ST6GAL2: variants seen among roughly 807,000 people sequenced by gnomAD.
ST6GAL2 encodes the protein beta-galactoside alpha-2,6-sialyltransferase 2.
Under a neutral mutation model 37.5 loss-of-function variants are expected in ST6GAL2, and 24 were observed. The observed-to-expected ratio is 0.64, with a 90% confidence interval of 0.46 to 0.90. The LOEUF is 0.90. Ranked by LOEUF, ST6GAL2 falls within the 40% of genes least tolerant of loss-of-function variation. The pLI, the probability that ST6GAL2 is intolerant of heterozygous loss-of-function variation, is 0.00. For missense variants in ST6GAL2, 715 were observed against 712.7 expected (o/e 1.00, Z -0.04); for synonymous variants, 306 against 295.1 (o/e 1.04, Z -0.38).
intron 5 of ST6GAL2, among the ~76,000 whole-genome samples, chr2:106,807,862 G>A (rs1220938539): frequency 6.6e-6 from 1 of 151,988 alleles, no homozygotes; most frequent in East Asian, 1.9e-4. Context: ...CTGACCTCCT[G>A]CTCCCCCCAC....
chr2:106,870,374 T>C (rs1678213846), intron 1 of ST6GAL2, among the ~76,000 whole-genome samples: 2 of 152,214 alleles, frequency 1.3e-5, no homozygotes, highest in South Asian at 2.1e-4. Flanking sequence ...CGGATAGTCA[T>C]GAAATGTAAA....
chr2:106,859,154 CTA>C (rs1218620020), intron 1 of ST6GAL2, among the ~76,000 whole-genome samples: 1 of 152,124 alleles, frequency 6.6e-6, no homozygotes, highest in East Asian at 1.9e-4. Context: ...AATAAAGAAC[CTA>C]TGTTTACAAT....
chr2:106,817,399 C>A (rs1311198485), intron 5 of ST6GAL2, among the ~76,000 whole-genome samples: 1 of 152,196 alleles, frequency 6.6e-6, no homozygotes, highest in Admixed American at 6.5e-5. Context: ...TAGGATAGGG[C>A]ACCAGATAGA....
chr2:106,844,493 T>C (rs368956828), intron 1 of ST6GAL2, among the ~76,000 whole-genome samples: 3 of 152,230 alleles, frequency 2.0e-5, no homozygotes, highest in East Asian at 1.9e-4. Flanking sequence ...TCAGAGCTCA[T>C]AGATTTTACA....
At chr2:106,882,596 TC>T (rs1367570171) in intron 1 of ST6GAL2, among the ~76,000 whole-genome samples, 2 of 152,228 alleles carry the variant, frequency 1.3e-5, no homozygotes, top group African/African-American at 4.8e-5. Context: ...TTTTGTGGAA[TC>T]TCACACCAGA....
chr2:106,806,944 G>A lies in ST6GAL2; in HGVS notation c.1324C>T (p.Leu442Phe), dbSNP rs1406759009. The A allele has an allele frequency of 2.5e-6, 4 of 1,606,170 alleles. No individual in the cohort carries two copies. Among genetic ancestry groups the A allele is most frequent in the African/African-American group, 1.3e-5 (1 of 74,776 alleles). Reference protein sequence around the residue: ...NPPSSGFIGILIMMSMCREVH... With the variant: ...NPPSSGFIGIFIMMSMCREVH... The stretch of plus-strand genomic sequence containing the variant: ...TCTCTGCACATGGACATCATTATGA[G>A]GATTCCTGACATGAAAACCAAAAAT... The change falls in exon 6 of 6, where the codon CTC becomes TTC. Residue 442 changes from leucine (L) to phenylalanine (F), a missense_variant. Physicochemically the swap from Leu to Phe is conservative, Grantham distance 22 (BLOSUM62 0). Coordinates refer to ENST00000409382, the MANE Select transcript of ST6GAL2 (RefSeq NM_001142351.2).
intron 5 of ST6GAL2, among the ~76,000 whole-genome samples, chr2:106,815,953 G>C (rs1675786692): frequency 6.6e-6 from 1 of 152,140 alleles, no homozygotes; most frequent in African/African-American, 2.4e-5. Flanking sequence ...GGAACACCAT[G>C]CACTGTGCTG....
chr2:106,859,381 A>G (rs1442277579), intron 1 of ST6GAL2, among the ~76,000 whole-genome samples: 1 of 152,230 alleles, frequency 6.6e-6, no homozygotes, highest in Admixed American at 6.5e-5. Context: ...GTTGATATCT[A>G]TACCCTTGGT....
rs1397972342 is a variant in ST6GAL2, at chr2:106,843,905, G to C, written c.73C>G (p.Leu25Val). ...CTGTCGGTGAAGTAGATGAAAATCA[G>C]CAAAAAGAGGAGCCCCCAAGCGAAT... ...GIFAWGLLFL[L>V]IFIYFTDSNP... Residue 25 changes from leucine to valine, a missense_variant, in exon 2 of 6, where the codon CTG becomes GTG. By Grantham distance (32) the Leu-to-Val change is conservative (BLOSUM62 1). Coordinates refer to ENST00000409382, the MANE Select transcript of ST6GAL2 (RefSeq NM_001142351.2). 6 of 1,602,714 alleles carry C rather than the reference G, an allele frequency of 3.7e-6. No individual in the cohort carries two copies. The highest frequency in any genetic ancestry group is 5.1e-6 in the Non-Finnish European group (6 of 1,178,886).
intron 1 of ST6GAL2, among the ~76,000 whole-genome samples, chr2:106,868,302 A>G (rs972087395): frequency 6.6e-5 from 10 of 152,196 alleles, no homozygotes; most frequent in Admixed American, 1.3e-4. Context: ...AAGGTAACTC[A>G]TACAAATCCC....
chr2:106,866,766 T>C (rs1037478348), intron 1 of ST6GAL2, among the ~76,000 whole-genome samples: 23 of 152,224 alleles, frequency 1.5e-4, no homozygotes, highest in Non-Finnish European at 2.2e-4. Context: ...GAAGGTAGAA[T>C]GTGTTGGTAA....
chr2:106,829,988 C>T (rs186160936), intron 5 of ST6GAL2, 78 bp downstream of exon 5: 6 of 1,359,220 alleles, frequency 4.4e-6, no homozygotes, highest in South Asian at 2.4e-5. Flanking sequence ...ACCTGTATAA[C>T]ACGACTGTAT....
intron 5 of ST6GAL2, among the ~76,000 whole-genome samples, chr2:106,824,133 A>G (rs1676113352): frequency 6.6e-6 from 1 of 152,186 alleles, no homozygotes; most frequent in African/African-American, 2.4e-5. Flanking sequence ...TAATCAGTAT[A>G]TTCAAGAATC....
At chr2:106,844,097 A>T in intron 1 of ST6GAL2, 63 bp from the exon 2 acceptor site, 2 of 775,982 alleles carry the variant, frequency 2.6e-6, no homozygotes. Flanking sequence ...TGCTGGGGAC[A>T]TTCTATCTTG....
intron 2 of ST6GAL2, among the ~76,000 whole-genome samples, chr2:106,842,516 C>A (rs1573255704): frequency 6.6e-6 from 1 of 152,290 alleles, no homozygotes; most frequent in East Asian, 1.9e-4. Context: ...TCACAGTAAC[C>A]AATATTATCT....
chr2:106,808,873 G>A (rs1675513371), intron 5 of ST6GAL2, among the ~76,000 whole-genome samples: 1 of 152,188 alleles, frequency 6.6e-6, no homozygotes, highest in Admixed American at 6.5e-5. Flanking sequence ...TGGGCATGGT[G>A]GCATGTGCCT....
intron 5 of ST6GAL2, among the ~76,000 whole-genome samples, chr2:106,825,651 G>C (rs1483532827): frequency 6.6e-6 from 1 of 152,218 alleles, no homozygotes; most frequent in Non-Finnish European, 1.5e-5. Context: ...CTATGTACCA[G>C]GCTAACAGCA....
rs561817707 is a variant in ST6GAL2, at chr2:106,806,657, T to C, written c.*21A>G. The C allele has an allele frequency of 9.9e-6, 16 of 1,608,564 alleles. No homozygotes were observed. The highest frequency in any genetic ancestry group is 1.6e-4 in the Middle Eastern group (1 of 6,066). ...TACAACAGTAGTACCTTATTGCACA[T>C]TGATTCCCAAGAAACCCTTTTTAAG... is the stretch of plus-strand genomic sequence containing the variant. On this transcript the variant is annotated 3_prime_UTR_variant, in exon 6 of 6. Coordinates refer to ENST00000409382, the MANE Select transcript of ST6GAL2 (RefSeq NM_001142351.2).
intron 5 of ST6GAL2, among the ~76,000 whole-genome samples, chr2:106,809,779 C>T (rs1675542631): frequency 6.6e-6 from 1 of 152,136 alleles, no homozygotes; most frequent in South Asian, 2.1e-4. Flanking sequence ...TTGTAAAATA[C>T]CATAATGAGG....
Sources: gnomAD v4.1 joint callset for allele counts (sites outside exome capture counted in the v4.1 genomes callset) on GRCh38, gnomAD v4.1.1 for gene constraint, MANE v1.5 for transcripts, NCBI Gene and HGNC (gene_info 2026-07-23, HGNC 2026-07-21) for gene names.